PSD2: variants seen among roughly 807,000 people sequenced by gnomAD.
PSD2 encodes PH and SEC7 domain-containing protein 2.
Under a neutral mutation model 69.8 loss-of-function variants are expected in PSD2, and 38 were observed. The ratio of observed to expected loss-of-function variants is 0.54; its 90% CI spans 0.42 to 0.71. PSD2 has a LOEUF of 0.71. Ranked by LOEUF, PSD2 falls within the 30% of genes least tolerant of loss-of-function variation. The pLI, the probability that PSD2 is intolerant of heterozygous loss-of-function variation, is 0.00. For synonymous variants in PSD2, 412 were observed against 423.0 expected (o/e 0.97, Z 0.32); for missense variants, 943 against 1,014.5 (o/e 0.93, Z 0.96).
rs1760902203 is a variant in PSD2 at position 139,842,598 on chromosome 5, A to G, written c.*124A>G. 4 of 840,604 alleles carry G rather than the reference A, an allele frequency of 4.8e-6. No individual in the cohort carries two copies. Among genetic ancestry groups the G allele is most frequent in the Non-Finnish European group, 7.5e-6 (4 of 530,370 alleles). The allele number at this position is 840,604 out of a possible 1,614,324, so 52.1% of individuals were successfully genotyped here. ...TTGATGGGCAGCTAGAGGGGTGCAG[A>G]AAGCCTGTGGGCCCAGGAGATGGAG... On this transcript the variant is annotated 3_prime_UTR_variant, in exon 15 of 15. Transcript: ENST00000274710.
At chr5:139,816,562 C>T (rs1369944717) in intron 4 of PSD2, among the ~76,000 whole-genome samples, 2 of 152,198 alleles carry the variant, frequency 1.3e-5, no homozygotes, top group Admixed American at 6.5e-5. Context: ...TCTCTATTTC[C>T]CATGAGTCCT....
Position 139,843,462 on chromosome 5 carries a change from T to C in PSD2, c.*988T>C, listed in dbSNP as rs1442672456. On this transcript the variant is annotated 3_prime_UTR_variant, in exon 15 of 15. Transcript: ENST00000274710. ...GACCACGGCCCTGTTTATATTTGGGTCTTTATGTTGGTGCTGCCAGGTCTC... is the reference window on the plus strand; with the variant it reads ...GACCACGGCCCTGTTTATATTTGGGCCTTTATGTTGGTGCTGCCAGGTCTC... 6.6e-6 allele frequency: 1 copy of C among 152,188 alleles called. No homozygotes were observed. The highest frequency in any genetic ancestry group is 2.4e-5 in the African/African-American group (1 of 41,414). 9.4% of individuals were successfully genotyped at this position (152,188 alleles called of 1,614,324 possible). A position where few individuals can be genotyped will look rare whatever the true frequency, so the allele number is the denominator to read the frequency against.
At position 139,837,906 on chromosome 5, in the gene PSD2, C is replaced by G. The variant is rs1760776951; in HGVS notation, c.1823+124C>G. 1 of 910,006 alleles carries G rather than the reference C, an allele frequency of 1.1e-6. No individual in the cohort carries two copies. The allele number at this position is 910,006 out of a possible 1,614,324, so 56.4% of individuals were successfully genotyped here. A position where few individuals can be genotyped will look rare whatever the true frequency, so the allele number is the denominator to read the frequency against. On this transcript the variant is annotated intron_variant, in intron 12 of 14. Transcript: ENST00000274710. This position sits in a 1 kb window ranked among gnomAD's most constrained non-coding sequence, Gnocchi z 5.0. ...TGTGTATCCACATGACACAGACCGA[C>G]AGCTGGGTCCCTCCAAAGCAGTGGT...
chr5:139,776,255 G>T, the PSD2 span, among the ~76,000 whole-genome samples: 1 of 152,244 alleles, frequency 6.6e-6, no homozygotes. Flanking sequence ...TCGGGCCCAA[G>T]TCCCAAGGGC....
At chr5:139,770,707 T>C in the PSD2 span, among the ~76,000 whole-genome samples, 1 of 152,252 alleles carries the variant, frequency 6.6e-6, no homozygotes, top group African/African-American at 2.4e-5. Context: ...AGGCAACCTG[T>C]AGTTCCTTTC....
chr5:139,750,343 CA>C, the PSD2 span, among the ~76,000 whole-genome samples: 5 of 150,966 alleles, frequency 3.3e-5, no homozygotes, highest in Non-Finnish European at 5.9e-5. Flanking sequence ...AAAAACAAAA[CA>C]AAAAAAAACC....
In PSD2 at chr5:139,809,599, C is replaced by A. The variant is rs761228205; in HGVS notation, c.159C>A (p.Thr53=). ...GCCCAGGGCACGAGCGAAGGGGCAC[C>A]CCAGCGGACACTGAGGAACCCACGA... is the stretch of plus-strand genomic sequence containing the variant. ...LCSPGHERRG[T]PADTEEPTKD... Residue 53 remains threonine (T), a synonymous_variant, in exon 2 of 15, where the codon ACC becomes ACA. Transcript: ENST00000274710. The A allele has an allele frequency of 6.2e-7, 1 of 1,614,248 alleles. No individual in the cohort carries two copies.
At chr5:139,751,902 C>T in the PSD2 span, among the ~76,000 whole-genome samples, 582 of 151,646 alleles carry the variant, frequency 3.8e-3, 1 homozygote, top group African/African-American at 0.013. Context: ...CAGCAATCCT[C>T]CCACCTCAGC....
chr5:139,765,925 G>T, the PSD2 span, among the ~76,000 whole-genome samples: 1 of 152,218 alleles, frequency 6.6e-6, no homozygotes, highest in African/African-American at 2.4e-5. Context: ...AGAGGACGCC[G>T]CTCTGGCCCG....
At chr5:139,824,547 C>A (rs893421675) in intron 7 of PSD2, among the ~76,000 whole-genome samples, 18 of 152,032 alleles carry the variant, frequency 1.2e-4, no homozygotes, top group African/African-American at 4.3e-4. Context: ...CAGGCACCTG[C>A]CACCACGCCC....
chr5:139,769,726 G>C, the PSD2 span, among the ~76,000 whole-genome samples: 4 of 152,098 alleles, frequency 2.6e-5, no homozygotes, highest in Non-Finnish European at 5.9e-5. Context: ...TGTGACCCAG[G>C]CTGGGTCAGT....
At chr5:139,792,475 A>C (rs1274695589), upstream of PSD2, among the ~76,000 whole-genome samples, 2 of 151,936 alleles carry the variant, frequency 1.3e-5, no homozygotes, top group African/African-American at 4.8e-5. Context: ...GTCAAGGGCC[A>C]GGCGGTAAAC....
the PSD2 span, among the ~76,000 whole-genome samples, chr5:139,769,864 T>C: frequency 6.6e-6 from 1 of 152,272 alleles, no homozygotes; most frequent in Non-Finnish European, 1.5e-5. Flanking sequence ...GCAGCTTCAT[T>C]GACGTGGGGT....
the PSD2 span, among the ~76,000 whole-genome samples, chr5:139,784,513 GC>G: frequency 6.6e-6 from 1 of 152,174 alleles, no homozygotes; most frequent in Non-Finnish European, 1.5e-5. Flanking sequence ...CAATTCTCTG[GC>G]CCAAAACTTT....
chr5:139,756,257 C>T, the PSD2 span, among the ~76,000 whole-genome samples: 1 of 152,236 alleles, frequency 6.6e-6, no homozygotes, highest in African/African-American at 2.4e-5. Context: ...CCGCGCCTCC[C>T]GCCATTATCT....
chr5:139,810,233 G>A (rs1759925066), intron 2 of PSD2, among the ~76,000 whole-genome samples: 1 of 152,140 alleles, frequency 6.6e-6, no homozygotes, highest in Admixed American at 6.5e-5. Context: ...ATCCCTCCTA[G>A]CTACTCTCAC....
chr5:139,823,278 C>T (rs966468255), intron 7 of PSD2, among the ~76,000 whole-genome samples: 4 of 152,172 alleles, frequency 2.6e-5, no homozygotes, highest in African/African-American at 9.7e-5. Flanking sequence ...TCTATCTGCT[C>T]CGGGACCCCT....
At chr5:139,789,208 G>A in the PSD2 span, among the ~76,000 whole-genome samples, 2 of 152,232 alleles carry the variant, frequency 1.3e-5, no homozygotes, top group Non-Finnish European at 2.9e-5. Flanking sequence ...CTTCATCCAG[G>A]CCCTGGGCTC....
At chr5:139,802,866 G>A (rs1247436193) in intron 1 of PSD2, among the ~76,000 whole-genome samples, 3 of 152,182 alleles carry the variant, frequency 2.0e-5, no homozygotes, top group Non-Finnish European at 2.9e-5. Flanking sequence ...AGCTCCAAGG[G>A]CCCCTGAGAA....
Sources: allele counts gnomAD v4.1 joint callset (sites outside exome capture counted in the v4.1 genomes callset), GRCh38; gene constraint gnomAD v4.1.1; non-coding constraint Gnocchi (gnomAD v3.1); transcripts MANE v1.5; gene names NCBI Gene and HGNC (gene_info 2026-07-23, HGNC 2026-07-21).